The following TRIP6 variants were observed in gnomAD, a reference collection of about 807,000 sequenced individuals.
TRIP6 encodes thyroid hormone receptor interactor 6.
In TRIP6, 33 loss-of-function variants were observed where a neutral mutation model predicts 51.9. The ratio of observed to expected loss-of-function variants is 0.64; its 90% CI spans 0.48 to 0.85. The LOEUF is 0.85. Among genes scored for constraint, TRIP6 ranks in the 40% least tolerant of loss-of-function variants. The probability of loss-of-function intolerance (pLI) is 0.00; values close to 1 mark genes in which losing one functional copy is unlikely to be tolerated. For missense variants in TRIP6, 661 were observed against 652.1 expected, an observed-to-expected ratio of 1.01 and a Z score of -0.15; for synonymous variants, 255 against 275.8, an observed-to-expected ratio of 0.92 and a Z score of 0.75.
intron 6 of TRIP6, 150 bp downstream of exon 6, chr7:100,870,893 A>C: frequency 9.0e-7 from 1 of 1,105,756 alleles, no homozygotes. Flanking sequence ...GGAATTCTGC[A>C]AGTATCAAGC....
At chr7:100,870,165 C>T (rs534646693) in intron 4 of TRIP6, among the ~76,000 whole-genome samples, 13 of 152,118 alleles carry the variant, frequency 8.5e-5, no homozygotes, top group Non-Finnish European at 1.8e-4. Context: ...AATCTAACGC[C>T]GCTGCTGATC....
In TRIP6 at chr7:100,870,582, G is replaced by A. The variant is rs751461403; in HGVS notation, c.838G>A (p.Gly280Ser). Reference protein sequence around the residue: ...PPSGEYFGQCGGCGEDVVGDG... With the variant: ...PPSGEYFGQCSGCGEDVVGDG... ...TTTCTCCCTGTCCTCAGGCCAGTGTGGTGGCTGCGGAGAAGATGTGGTTGG... is the reference window on the plus strand; with the variant it reads ...TTTCTCCCTGTCCTCAGGCCAGTGTAGTGGCTGCGGAGAAGATGTGGTTGG... Residue 280 changes from glycine (G) to serine (S), a missense_variant, in exon 6 of 9, where the codon GGT becomes AGT. By Grantham distance (56) the Gly-to-Ser change is moderately conservative. Coordinates refer to ENST00000200457, the MANE Select transcript of TRIP6 (RefSeq NM_003302.3). 4 of 1,613,896 alleles carry A rather than the reference G, an allele frequency of 2.5e-6. No individual in the cohort carries two copies. Among genetic ancestry groups the A allele is most frequent in the South Asian group, 1.1e-5 (1 of 91,058 alleles).
chr7:100,870,671 A>C lies in TRIP6; in HGVS notation c.927A>C (p.Thr309=). 2 of 1,614,106 alleles carry C rather than the reference A, an allele frequency of 1.2e-6. No homozygotes were observed. Among genetic ancestry groups the C allele is most frequent in the South Asian group, 1.1e-5 (1 of 91,086 alleles). ...VFHVGCFVCS[T]CRAQLRGQHF... ...ACGTGGGCTGCTTTGTATGTTCTAC[A>C]TGCCGGGCCCAGCTTCGCGGCCAGC... The change falls in exon 6 of 9, where the codon ACA becomes ACC. Residue 309 remains threonine, a synonymous_variant. Coordinates refer to ENST00000200457, the MANE Select transcript of TRIP6 (RefSeq NM_003302.3).
At chr7:100,872,827 GT>G in intron 8 of TRIP6, 83 bp downstream of exon 8, 1 of 1,539,722 alleles carries the variant, frequency 6.5e-7, no homozygotes, top group South Asian at 1.2e-5. Context: ...GAGGTCTGGG[GT>G]TGATGGAAAC....
At chr7:100,872,800 G>C in intron 8 of TRIP6, 56 bp downstream of exon 8, 1 of 1,602,042 alleles carries the variant, frequency 6.2e-7, no homozygotes, top group Non-Finnish European at 8.5e-7. Flanking sequence ...GCTGGGTAGA[G>C]CATGAGGGGG....
intron 6 of TRIP6, 134 bp downstream of exon 6, chr7:100,870,877 CAG>C (rs1310881302): frequency 4.0e-6 from 5 of 1,265,304 alleles, no homozygotes; most frequent in Admixed American, 4.7e-5. Context: ...GATGTACAAA[CAG>C]GGCGGAATTC....
At position 100,868,175 on chromosome 7, in the gene TRIP6, G is replaced by C. The variant is rs765540451; in HGVS notation, c.305G>C (p.Ser102Thr). 2 of 1,610,106 alleles carry C rather than the reference G, an allele frequency of 1.2e-6. No homozygotes were observed. Among genetic ancestry groups the C allele is most frequent in the Non-Finnish European group, 1.7e-6 (2 of 1,178,504 alleles). Residue 102 changes from serine to threonine, a missense_variant, in exon 3 of 9, where the codon AGC becomes ACC. Ser to Thr is a moderately conservative substitution (Grantham distance 58). Coordinates refer to ENST00000200457, the MANE Select transcript of TRIP6 (RefSeq NM_003302.3). ...SLDAEIDLLSSTLAELNGGRG... is the reference protein window; with the variant it reads ...SLDAEIDLLSTTLAELNGGRG... ...GACGCCGAGATAGACTTGCTGAGCA[G>C]CACGCTGGCCGAGCTGAATGGGGGT... is the stretch of plus-strand genomic sequence containing the variant.
At chr7:100,872,393 G>A (rs1238306434) in intron 7 of TRIP6, among the ~76,000 whole-genome samples, 5 of 151,790 alleles carry the variant, frequency 3.3e-5, no homozygotes, top group African/African-American at 4.8e-5. Context: ...GGTCTTGAAC[G>A]CCTGGCCTCA....
chr7:100,872,998 T>C (rs895129852), intron 8 of TRIP6, among the ~76,000 whole-genome samples, 174 bp from the exon 9 acceptor site: 6 of 151,958 alleles, frequency 3.9e-5, no homozygotes, highest in Non-Finnish European at 7.4e-5. Flanking sequence ...TTACAGGTGC[T>C]GGCCACCATG....
intron 4 of TRIP6, among the ~76,000 whole-genome samples, chr7:100,869,770 C>T (rs1385774339): frequency 1.5e-5 from 2 of 133,796 alleles, no homozygotes; most frequent in South Asian, 2.3e-4. Context: ...GCACCAGGGA[C>T]CAGTTTTGGG....
Position 100,867,469 on chromosome 7 carries a change from C to T in TRIP6, c.-29C>T. 7.1e-7 allele frequency: 1 copy of T among 1,416,996 alleles called. No homozygotes were observed. Among genetic ancestry groups the T allele is most frequent in the Non-Finnish European group, 9.3e-7 (1 of 1,078,424 alleles). The allele number at this position is 1,416,996 out of a possible 1,614,324, so 87.8% of individuals were successfully genotyped here. A position where few individuals can be genotyped will look rare whatever the true frequency, so the allele number is the denominator to read the frequency against. On this transcript the variant is annotated 5_prime_UTR_variant, in exon 1 of 9. Coordinates refer to ENST00000200457, the MANE Select transcript of TRIP6 (RefSeq NM_003302.3). This position sits in a 1 kb window ranked among gnomAD's most constrained non-coding sequence, Gnocchi z 5.4. ...AGGCCAGAGGCTCGGGGCTTCAAGA[C>T]CGCTGTCTGGAGTCCCCCTTTCCAG...
At position 100,873,448 on chromosome 7, in the gene TRIP6, C is replaced by G. The variant is rs903851962; in HGVS notation, c.*145C>G. 8.0e-7 allele frequency: 1 copy of G among 1,249,092 alleles called. No individual in the cohort carries two copies. Among genetic ancestry groups the G allele is most frequent in the Non-Finnish European group, 1.1e-6 (1 of 930,444 alleles). The allele number at this position is 1,249,092 out of a possible 1,614,324, so 77.4% of individuals were successfully genotyped here. ...AAGAAATAATAATCCCTCGAGTTTA[C>G]AAAACACTTCCAAGTCTGTTGTCTC... On this transcript the variant is annotated 3_prime_UTR_variant, in exon 9 of 9. Transcript: ENST00000200457.
At position 100,867,522 on chromosome 7, in the gene TRIP6, C is replaced by G; in HGVS notation, c.25C>G (p.Pro9Ala). The G allele has an allele frequency of 2.0e-6, 3 of 1,513,074 alleles. No individual in the cohort carries two copies. Among genetic ancestry groups the G allele is most frequent in the African/African-American group, 1.4e-5 (1 of 71,184 alleles). The allele number at this position is 1,513,074 out of a possible 1,614,324, so 93.7% of individuals were successfully genotyped here. The change falls in exon 1 of 9, where the codon CCG (proline) becomes GCG (alanine). Residue 9 changes from proline (P) to alanine (A), a missense_variant. Transcript: ENST00000200457. The surrounding 1 kb of genome is among the most constrained non-coding windows in gnomAD (Gnocchi z 5.4). ...CATGTCGGGGCCCACCTGGCTGCCC[C>G]CGAAGCAGCCGGAGCCCGCCAGAGC... MSGPTWLP[P>A]KQPEPARAPQ... is the part of the protein sequence containing the mutation.
At chr7:100,868,950 C>T in intron 4 of TRIP6, 84 bp downstream of exon 4, 3 of 1,399,072 alleles carry the variant, frequency 2.1e-6, no homozygotes, top group Non-Finnish European at 2.8e-6. Flanking sequence ...TTTTAGGGGG[C>T]TTTTTTGTTT....
In TRIP6 at chr7:100,871,424, ACATGCAGGAGGCTG is replaced by A. The variant is rs145694794; in HGVS notation, c.1000-102_1000-89del. ...GCTCAAGTCTGCCTTTCACCGAATC[ACATGCAGGAGGCTG>A]CATGCAGGAGGCTGCAGAAATTAGA... On this transcript the variant is annotated intron_variant, in intron 6 of 8. Coordinates refer to ENST00000200457, the MANE Select transcript of TRIP6 (RefSeq NM_003302.3). The A allele has an allele frequency of 0.031, 30,590 of 986,634 alleles. 3,098 individuals carry two copies. In the East Asian group the frequency reaches 0.34, roughly 11 times the overall value. 61.1% of individuals were successfully genotyped at this position (986,634 alleles called of 1,614,324 possible). A position where few individuals can be genotyped will look rare whatever the true frequency, so the allele number is the denominator to read the frequency against.
Position 100,873,362 on chromosome 7 carries a change from C to T in TRIP6, c.*59C>T, listed in dbSNP as rs951174910. The stretch of plus-strand genomic sequence containing the variant: ...CCAGTTCCCATCCTTTGATTGATCA[C>T]TCTCCCTGACATCCACCTGTATGAC... On this transcript the variant is annotated 3_prime_UTR_variant, in exon 9 of 9. Transcript: ENST00000200457. The T allele has an allele frequency of 1.7e-5, 27 of 1,553,130 alleles. No homozygotes were observed. Among genetic ancestry groups the T allele is most frequent in the Non-Finnish European group, 2.0e-5 (23 of 1,145,198 alleles).
chr7:100,870,376 CT>C lies in TRIP6; in HGVS notation c.743del (p.Leu248ArgfsTer12). 1 of 1,612,068 alleles carries C rather than the reference CT, an allele frequency of 6.2e-7. No homozygotes were observed. Among genetic ancestry groups the C allele is most frequent in the South Asian group, 1.1e-5 (1 of 90,924 alleles). On this transcript the variant is annotated frameshift_variant, in exon 5 of 9. Transcript: ENST00000200457. LOFTEE classifies it high-confidence loss of function. ...CCCGATTCCCACCTTCCAGGTGCCC[CT>C]GAGCCAGCCTCCAGAGGATGAGCTG... is the stretch of plus-strand genomic sequence containing the variant. ...RGGEHGPQVP[L>X]SQPPEDELDR...
rs1328115414 is a variant in TRIP6 at position 100,872,619 on chromosome 7, T to A, written c.1179-5T>A. On this transcript the variant is annotated splice_polypyrimidine_tract_variant and splice_region_variant and intron_variant, in intron 7 of 8. Coordinates refer to ENST00000200457, the MANE Select transcript of TRIP6 (RefSeq NM_003302.3). ...GATGGCCTTCTTGGTTCTCTTCCCC[T>A]GCAGGAAGTTTGCCCCAAGATGCTC... The A allele has an allele frequency of 6.2e-7, 1 of 1,613,826 alleles. No homozygotes were observed. The highest frequency in any genetic ancestry group is 8.5e-7 in the Non-Finnish European group (1 of 1,179,894).
intron 7 of TRIP6, 112 bp from the exon 8 acceptor site, chr7:100,872,512 C>G: frequency 1.3e-6 from 2 of 1,500,550 alleles, no homozygotes. Context: ...AGACCTAAGG[C>G]CATACCTCTG....
Sources: gnomAD v4.1 joint callset for allele counts (sites outside exome capture counted in the v4.1 genomes callset) on GRCh38, gnomAD v4.1.1 for gene constraint, Gnocchi (gnomAD v3.1) non-coding constraint, MANE v1.5 for transcripts, NCBI Gene and HGNC (gene_info 2026-07-23, HGNC 2026-07-21) for gene names.